RB1CC1: variants seen among roughly 807,000 people sequenced by gnomAD.
RB1CC1 encodes RB1 inducible coiled-coil 1.
RB1CC1 carries 46 observed loss-of-function variants against 177.5 expected under a neutral mutation model. The observed-to-expected ratio is 0.26, with a 90% CI of 0.20 to 0.33. The LOEUF (loss-of-function observed/expected upper bound fraction) is 0.33. Ranked by LOEUF, RB1CC1 falls within the 10% of genes least tolerant of loss-of-function variation. The pLI, the probability that RB1CC1 is intolerant of heterozygous loss-of-function variation, is 1.00. For synonymous variants in RB1CC1, 666 were observed against 613.6 expected (o/e 1.09, Z -1.26); for missense variants, 1,703 against 1,816.3 (o/e 0.94, Z 1.13).
At chr8:52,684,879 T>G (rs904541099) in intron 3 of RB1CC1, among the ~76,000 whole-genome samples, 12 of 152,196 alleles carry the variant, frequency 7.9e-5, no homozygotes, top group Non-Finnish European at 1.8e-4. Context: ...TTTACATGAA[T>G]ATTATATTCA....
chr8:52,713,358 AAGAAAC>A (rs2150740640), intron 1 of RB1CC1, among the ~76,000 whole-genome samples: 1 of 152,322 alleles, frequency 6.6e-6, no homozygotes, highest in African/African-American at 2.4e-5. Context: ...CAGGCGGTGG[AAGAAAC>A]TATAGAGATA....
At chr8:52,703,755 T>G (rs1177658652) in intron 1 of RB1CC1, among the ~76,000 whole-genome samples, 1 of 152,184 alleles carries the variant, frequency 6.6e-6, no homozygotes, top group Non-Finnish European at 1.5e-5. Flanking sequence ...GCCCAAGCTG[T>G]ATTGCAAATG....
At position 52,623,494 on chromosome 8, in the gene RB1CC1, A is replaced by G. The variant is rs1249309156; in HGVS notation, c.*288T>C. The G allele has an allele frequency of 2.5e-6, 1 of 401,854 alleles. No individual in the cohort carries two copies. The highest frequency in any genetic ancestry group is 3.6e-5 in the Admixed American group (1 of 27,948). 24.9% of individuals were successfully genotyped at this position (401,854 alleles called of 1,614,324 possible). ...TGGCTCATCATAAGCCACAATGCACAAGGTATGCCCTTTGAGAAAATGAAG... is the reference window on the plus strand; with the variant it reads ...TGGCTCATCATAAGCCACAATGCACGAGGTATGCCCTTTGAGAAAATGAAG... On this transcript the variant is annotated 3_prime_UTR_variant, in exon 24 of 24. Coordinates refer to ENST00000025008, the MANE Select transcript of RB1CC1 (RefSeq NM_014781.5).
chr8:52,644,647 T>G lies in RB1CC1; in HGVS notation c.3987+1055A>C, dbSNP rs183889073. Reference sequence around the variant, plus strand: ...TAAGCCACACACTTTTTTTTCTGGTTGTGCTTTTCTCATTCCCTTTTCCCA... The same window carrying G: ...TAAGCCACACACTTTTTTTTCTGGTGGTGCTTTTCTCATTCCCTTTTCCCA... On this transcript the variant is annotated intron_variant, in intron 16 of 23. Transcript: ENST00000025008. 3.9e-3 allele frequency among the ~76,000 whole-genome samples: 599 copies of G among 152,284 alleles called. 3 individuals carry two copies. Among genetic ancestry groups the G allele is most frequent in the Non-Finnish European group, 5.4e-3 (367 of 68,014 alleles).
At chr8:52,628,881 C>G (rs113766598) in intron 21 of RB1CC1, among the ~76,000 whole-genome samples, 1 of 152,146 alleles carries the variant, frequency 6.6e-6, no homozygotes, top group South Asian at 2.1e-4. Flanking sequence ...TCAAAATCAG[C>G]TGGGGAAACT....
intron 18 of RB1CC1, among the ~76,000 whole-genome samples, chr8:52,641,454 G>A (rs184804086): frequency 6.6e-6 from 1 of 151,540 alleles, no homozygotes; most frequent in South Asian, 2.1e-4. Context: ...CCCTGCTGGT[G>A]TATCATAACT....
Position 52,658,920 on chromosome 8 carries a change from T to C in RB1CC1, c.1746A>G (p.Leu582=), listed in dbSNP as rs1000482167. 4.4e-6 allele frequency: 7 copies of C among 1,588,680 alleles called. No homozygotes were observed. Among genetic ancestry groups the C allele is most frequent in the Admixed American group, 3.5e-5 (2 of 56,386 alleles). Reference sequence around the variant, plus strand: ...AAGGACAAAATGATTGCAGAAACTGTAAATCTTTTAATGAAATATCTGGAA... The same window carrying C: ...AAGGACAAAATGATTGCAGAAACTGCAAATCTTTTAATGAAATATCTGGAA... ...CELPDISLKD[L]QFLQSFCPSE... is the part of the protein sequence containing the mutation. The change falls in exon 13 of 24, where the codon TTA becomes TTG. Residue 582 remains leucine (L), a synonymous_variant. Transcript: ENST00000025008.
intron 22 of RB1CC1, among the ~76,000 whole-genome samples, 160 bp downstream of exon 22, chr8:52,627,872 G>A (rs986144900): frequency 1.3e-5 from 2 of 151,962 alleles, no homozygotes; most frequent in Non-Finnish European, 2.9e-5. Context: ...TGGAATCCAT[G>A]AAAATAATCT....
intron 15 of RB1CC1, among the ~76,000 whole-genome samples, chr8:52,648,205 A>G (rs1850230456): frequency 7.0e-6 from 1 of 143,744 alleles, no homozygotes; most frequent in South Asian, 2.1e-4. Context: ...TTACTGACTC[A>G]AAGTAAAAGC....
intron 6 of RB1CC1, among the ~76,000 whole-genome samples, chr8:52,674,770 CAA>C (rs779344001): frequency 1.7e-4 from 10 of 59,836 alleles, no homozygotes; most frequent in East Asian, 1.0e-3. Context: ...GGCTCCGTCT[CAA>C]AAAAAAAAAA....
chr8:52,713,804 C>G (rs1857264786), intron 1 of RB1CC1, among the ~76,000 whole-genome samples: 1 of 152,236 alleles, frequency 6.6e-6, no homozygotes, highest in South Asian at 2.1e-4. Flanking sequence ...CCCCGCAGCA[C>G]GAGTCCGACC....
Position 52,635,555 on chromosome 8 carries a change from T to C in RB1CC1, c.4392+460A>G, listed in dbSNP as rs191298986. Among the ~76,000 whole-genome samples, 124 of 152,278 alleles carry C rather than the reference T, an allele frequency of 8.1e-4. 1 individual carries two copies. Among genetic ancestry groups the C allele is most frequent in the African/African-American group, 2.9e-3 (119 of 41,586 alleles). ...ACCCTTAATAAAGGAAACCCTTTAT[T>C]ATCAGTTTTTTCTTGTCCATTTCAA... On this transcript the variant is annotated intron_variant, in intron 19 of 23. Transcript: ENST00000025008.
intron 15 of RB1CC1, among the ~76,000 whole-genome samples, chr8:52,651,387 T>TG (rs778494685): frequency 5.3e-5 from 8 of 152,248 alleles, no homozygotes; most frequent in Non-Finnish European, 1.2e-4. Flanking sequence ...CTTGCTAAAA[T>TG]GGTACAGTTG....
chr8:52,643,749 A>G (rs1849774298), intron 16 of RB1CC1, among the ~76,000 whole-genome samples: 1 of 151,802 alleles, frequency 6.6e-6, no homozygotes, highest in African/African-American at 2.4e-5. Context: ...AGCTTCTTGA[A>G]ATGTAAAAGC....
intron 10 of RB1CC1, 30 bp downstream of exon 10, chr8:52,661,065 T>C (rs763088379): frequency 3.1e-6 from 5 of 1,611,326 alleles, no homozygotes; most frequent in Admixed American, 3.4e-5. Flanking sequence ...AAAGTTCATA[T>C]ACAGTTAAAA....
intron 1 of RB1CC1, among the ~76,000 whole-genome samples, chr8:52,706,958 CA>C (rs1856617025): frequency 6.6e-6 from 1 of 152,020 alleles, no homozygotes. Context: ...CACCACGCCC[CA>C]ATTGTTATCT....
At chr8:52,687,841 T>C (rs1854406337) in intron 1 of RB1CC1, among the ~76,000 whole-genome samples, 1 of 152,218 alleles carries the variant, frequency 6.6e-6, no homozygotes, top group African/African-American at 2.4e-5. Flanking sequence ...CAATCAAGTT[T>C]ACTGTAATTT....
chr8:52,624,675 T>C, intron 23 of RB1CC1, 42 bp downstream of exon 23: 2 of 1,467,128 alleles, frequency 1.4e-6, no homozygotes, highest in Non-Finnish European at 1.9e-6. Flanking sequence ...TAAAATCTTC[T>C]TTACAGTTCC....
intron 20 of RB1CC1, 91 bp from the exon 21 acceptor site, chr8:52,630,619 C>T: frequency 7.5e-7 from 1 of 1,326,292 alleles, no homozygotes; most frequent in African/African-American, 1.5e-5. Flanking sequence ...TATACACATT[C>T]AAGCCTGTGT....
Sources: gnomAD v4.1 joint callset for allele counts (sites outside exome capture counted in the v4.1 genomes callset) on GRCh38, gnomAD v4.1.1 for gene constraint, MANE v1.5 for transcripts, NCBI Gene and HGNC (gene_info 2026-07-23, HGNC 2026-07-21) for gene names.